PREX2: variants seen among roughly 807,000 people sequenced by gnomAD.
The protein encoded by PREX2 is phosphatidylinositol 3,4,5-trisphosphate-dependent Rac exchanger 2 protein.
In PREX2, 107 loss-of-function variants were observed where a neutral mutation model predicts 203.2. That is an observed-to-expected ratio of 0.53 (90% CI 0.45 to 0.62). PREX2 has a LOEUF of 0.62. PREX2 is among the 20% of genes least tolerant of loss of function. PREX2 has a pLI of 0.00. For synonymous variants in PREX2, 672 were observed against 663.6 expected (o/e 1.01, Z -0.19); for missense variants, 1,777 against 1,955.9 (o/e 0.91, Z 1.72).
At chr8:68,138,599 A>C in intron 33 of PREX2, 82 bp downstream of exon 33, 1 of 621,642 alleles carries the variant, frequency 1.6e-6, no homozygotes, top group Admixed American at 3.1e-5. Flanking sequence ...ATATTTGATA[A>C]GTATTTTATG....
chr8:68,221,231 A>G (rs1005110749), intron 38 of PREX2, among the ~76,000 whole-genome samples: 4 of 152,188 alleles, frequency 2.6e-5, no homozygotes, highest in Admixed American at 6.5e-5. Context: ...TCCATGGTGT[A>G]TATGTACCAC....
rs543640767 is a variant in PREX2, at chr8:68,087,828, A to G, written c.2113+19A>G. 4.5e-6 allele frequency: 7 copies of G among 1,553,130 alleles called. No homozygotes were observed. The East Asian group carries it at 1.3e-4, about 30-fold the overall frequency. On this transcript the variant is annotated intron_variant, in intron 19 of 39. Transcript: ENST00000288368. ...GGAAGAGGTAGGAAATTCGTCTTGC[A>G]GGGAAACAGCTTTCCAGCAGGTTTG...
intron 35 of PREX2, among the ~76,000 whole-genome samples, chr8:68,165,325 C>T (rs552669702): frequency 4.6e-5 from 7 of 152,196 alleles, no homozygotes; most frequent in Non-Finnish European, 8.8e-5. Context: ...CCTGTTATAT[C>T]GACCTAAGCA....
At chr8:68,200,567 C>G (rs1463719634) in intron 37 of PREX2, among the ~76,000 whole-genome samples, 1 of 151,058 alleles carries the variant, frequency 6.6e-6, no homozygotes, top group African/African-American at 2.4e-5. Flanking sequence ...AGTTCTTTAT[C>G]CTTAAAAAGG....
At chr8:68,159,237 C>A (rs1218348626) in intron 35 of PREX2, among the ~76,000 whole-genome samples, 3 of 152,172 alleles carry the variant, frequency 2.0e-5, no homozygotes, top group Non-Finnish European at 4.4e-5. Context: ...AACCGGCATA[C>A]TATAGTTTTT....
rs148765752 is a variant in PREX2 at position 68,148,885 on chromosome 8, C to T, written c.4231+2533C>T. On this transcript the variant is annotated intron_variant, in intron 34 of 39. Coordinates refer to ENST00000288368, the MANE Select transcript of PREX2 (RefSeq NM_024870.4). Reference sequence around the variant, plus strand: ...CCTTTATAAAACTCCCATGAGGAATCATTAGTAGCTTAGTATTCATAGATT... The same window carrying T: ...CCTTTATAAAACTCCCATGAGGAATTATTAGTAGCTTAGTATTCATAGATT... 1.1e-3 allele frequency among the ~76,000 whole-genome samples: 160 copies of T among 152,264 alleles called. 4 individuals are homozygous for T. Among genetic ancestry groups the T allele is most frequent in the Admixed American group, 7.4e-3 (113 of 15,294 alleles).
At chr8:68,077,600 G>A in intron 15 of PREX2, 131 bp downstream of exon 15, 1 of 723,638 alleles carries the variant, frequency 1.4e-6, no homozygotes, top group Non-Finnish European at 2.5e-6. Context: ...CTTGCCATGG[G>A]TTCAGGTTGG....
intron 34 of PREX2, among the ~76,000 whole-genome samples, chr8:68,153,765 C>T (rs1228224602): frequency 6.6e-6 from 1 of 151,912 alleles, no homozygotes; most frequent in East Asian, 1.9e-4. Flanking sequence ...TTTGTTCATT[C>T]CCCACAACCC....
chr8:68,179,281 C>T (rs904033226), intron 35 of PREX2, among the ~76,000 whole-genome samples: 6 of 152,070 alleles, frequency 3.9e-5, no homozygotes, highest in Admixed American at 3.3e-4. Context: ...AATTTCTTTA[C>T]TGAAGGCTGC....
At position 68,017,832 on chromosome 8, in the gene PREX2, C is replaced by G; in HGVS notation, c.142-14C>G. 1 of 1,608,094 alleles carries G rather than the reference C, an allele frequency of 6.2e-7. No homozygotes were observed. Among genetic ancestry groups the G allele is most frequent in the South Asian group, 1.1e-5 (1 of 90,422 alleles). ...CCTAATGTTACCTTCATAATGTCTT[C>G]TTGTTTCATGCAGGCATTCTTACAC... is the stretch of plus-strand genomic sequence containing the variant. On this transcript the variant is annotated splice_polypyrimidine_tract_variant and intron_variant, in intron 1 of 39. Coordinates refer to ENST00000288368, the MANE Select transcript of PREX2 (RefSeq NM_024870.4).
intron 19 of PREX2, among the ~76,000 whole-genome samples, 164 bp downstream of exon 19, chr8:68,087,973 C>T (rs530899725): frequency 1.0e-3 from 145 of 144,590 alleles, no homozygotes; most frequent in Admixed American, 1.6e-3. Flanking sequence ...ATTAAAAAAA[C>T]GAAAAAATTC....
At chr8:68,086,659 G>A (rs1422820091) in intron 18 of PREX2, among the ~76,000 whole-genome samples, 1 of 151,976 alleles carries the variant, frequency 6.6e-6, no homozygotes, top group African/African-American at 2.4e-5. Context: ...TTTCTTCAGT[G>A]GAGTATCTTA....
At chr8:68,224,430 T>A (rs1424489013) in intron 38 of PREX2, 129 bp from the exon 39 acceptor site, 3 of 713,732 alleles carry the variant, frequency 4.2e-6, no homozygotes, top group Non-Finnish European at 7.3e-6. Context: ...GATGTCTGTC[T>A]TTCTCTTAGC....
At chr8:67,976,610 A>G (rs1806106418) in intron 1 of PREX2, among the ~76,000 whole-genome samples, 2 of 112,784 alleles carry the variant, frequency 1.8e-5, no homozygotes. Flanking sequence ...AGAGAGAGAG[A>G]GACAGAGACA....
intron 23 of PREX2, among the ~76,000 whole-genome samples, chr8:68,101,751 GGT>G (rs1360067213): frequency 2.6e-5 from 4 of 152,114 alleles, no homozygotes; most frequent in Non-Finnish European, 5.9e-5. Context: ...GCAGATTCTG[GGT>G]GTCAAACTGG....
At chr8:68,041,899 G>A (rs1347790393) in intron 7 of PREX2, among the ~76,000 whole-genome samples, 1 of 152,008 alleles carries the variant, frequency 6.6e-6, no homozygotes, top group African/African-American at 2.4e-5. Context: ...CTTATGACTG[G>A]AATTGCACAT....
chr8:67,978,959 T>A (rs11993423), intron 1 of PREX2, among the ~76,000 whole-genome samples: 52 of 152,072 alleles, frequency 3.4e-4, no homozygotes, highest in African/African-American at 1.2e-3. Flanking sequence ...ATCATGCACT[T>A]TACACTACAG....
intron 1 of PREX2, among the ~76,000 whole-genome samples, chr8:67,965,431 A>G (rs771743688): frequency 5.3e-5 from 8 of 152,094 alleles, no homozygotes; most frequent in Non-Finnish European, 1.2e-4. Flanking sequence ...AAATCACAAG[A>G]CATTTGAGGC....
chr8:68,129,791 A>G (rs1265912405), intron 31 of PREX2, among the ~76,000 whole-genome samples: 1 of 152,080 alleles, frequency 6.6e-6, no homozygotes, highest in Non-Finnish European at 1.5e-5. Flanking sequence ...GATAGGTACA[A>G]AAACCATTTC....
Sources: allele counts gnomAD v4.1 joint callset (sites outside exome capture counted in the v4.1 genomes callset), GRCh38; gene constraint gnomAD v4.1.1; transcripts MANE v1.5; gene names NCBI Gene and HGNC (gene_info 2026-07-23, HGNC 2026-07-21).